OVGP1: variants seen among roughly 807,000 people sequenced by gnomAD.
The protein encoded by OVGP1 is oviductal glycoprotein 1.
A neutral mutation model predicts 48.2 loss-of-function variants in OVGP1; 26 were observed. The observed-to-expected ratio is 0.54, with a 90% confidence interval of 0.40 to 0.75. OVGP1 has a LOEUF of 0.75. Among genes scored for constraint, OVGP1 ranks in the 30% least tolerant of loss-of-function variants. The pLI, the probability that OVGP1 is intolerant of heterozygous loss-of-function variation, is 0.00. For missense variants in OVGP1, 791 were observed against 820.6 expected (o/e 0.96, Z 0.44); for synonymous variants, 294 against 305.7 (o/e 0.96, Z 0.40).
chr1:111,425,196 C>A (rs1207546875), intron 4 of OVGP1, among the ~76,000 whole-genome samples, 187 bp downstream of exon 4: 1 of 152,232 alleles, frequency 6.6e-6, no homozygotes, highest in African/African-American at 2.4e-5. Context: ...TTCCTTGTCT[C>A]CCCTGACCCA....
intron 9 of OVGP1, among the ~76,000 whole-genome samples, chr1:111,419,330 A>G (rs989284177): frequency 2.0e-5 from 3 of 152,240 alleles, no homozygotes; most frequent in Non-Finnish European, 4.4e-5. Context: ...GTCCAAATGG[A>G]AAGGAAGAGA....
rs527629526 is a variant in OVGP1 at position 111,425,105 on chromosome 1, T to C, written c.317+278A>G. Among the ~76,000 whole-genome samples, 5 of 152,370 alleles carry C rather than the reference T, an allele frequency of 3.3e-5. No homozygotes were observed. In the East Asian group the frequency reaches 5.8e-4, roughly 18 times the overall value. On this transcript the variant is annotated intron_variant, in intron 4 of 10. Coordinates refer to ENST00000369732, the MANE Select transcript of OVGP1 (RefSeq NM_002557.4). ...TTGGAGACAAAACCCTTGCCTCTTA[T>C]GAAAGGTTGAGGAAACAATTATGAG... is the stretch of plus-strand genomic sequence containing the variant.
At position 111,421,273 on chromosome 1, in the gene OVGP1, C is replaced by T; in HGVS notation, c.903+3G>A. The T allele has an allele frequency of 6.3e-7, 1 of 1,594,992 alleles. No homozygotes were observed. The highest frequency in any genetic ancestry group is 2.2e-5 in the East Asian group (1 of 44,780). ...GCTAGACAGAGACTGATATTCCCAT[C>T]ACCTCAAAATAAGCCAAGAAGCCTT... On this transcript the variant is annotated splice_donor_region_variant and intron_variant, in intron 8 of 10. Coordinates refer to ENST00000369732, the MANE Select transcript of OVGP1 (RefSeq NM_002557.4).
chr1:111,419,811 G>C, intron 8 of OVGP1, 85 bp from the exon 9 acceptor site: 1 of 803,620 alleles, frequency 1.2e-6, no homozygotes, highest in Admixed American at 1.8e-5. Context: ...CAAGGATAAA[G>C]AATCCAAGAA....
rs1652074227 is a variant in OVGP1, at chr1:111,414,630, G to C, written c.1871C>G (p.Ser624Cys). The change falls in exon 11 of 11, where the codon TCC becomes TGC. Residue 624 changes from serine (S) to cysteine (C), a missense_variant. Ser to Cys is a moderately radical substitution (Grantham distance 112). Coordinates refer to ENST00000369732, the MANE Select transcript of OVGP1 (RefSeq NM_002557.4). ...TTCCGGGAGCTGGATGACGGGGCTGGAGGACAGCATCATCCTGTTTTCAGC... is the reference window on the plus strand; with the variant it reads ...TTCCGGGAGCTGGATGACGGGGCTGCAGGACAGCATCATCCTGTTTTCAGC... ...MEAENRMMLS[S>C]SPVIQLPEQT... 3.7e-6 allele frequency: 6 copies of C among 1,614,056 alleles called. No individual in the cohort carries two copies. Among genetic ancestry groups the C allele is most frequent in the Non-Finnish European group, 4.2e-6 (5 of 1,180,034 alleles).
At chr1:111,426,688 A>G (rs1652408388) in intron 2 of OVGP1, 47 bp from the exon 3 acceptor site, 1 of 1,588,196 alleles carries the variant, frequency 6.3e-7, no homozygotes, top group Non-Finnish European at 8.6e-7. Context: ...AAGGGAGGGG[A>G]TGGAGCTCAG....
In OVGP1 at chr1:111,423,519, C is replaced by T. The variant is rs578122329; in HGVS notation, c.483+24G>A. 120 of 1,609,736 alleles carry T rather than the reference C, an allele frequency of 7.5e-5. No homozygotes were observed. In the South Asian group the frequency reaches 1.3e-3, roughly 17 times the overall value. ...ATAAAAGTAGAATCATTTCTGGATTCTGGCGCTTCTAGACCAGACTTACTT... is the reference window on the plus strand; with the variant it reads ...ATAAAAGTAGAATCATTTCTGGATTTTGGCGCTTCTAGACCAGACTTACTT... On this transcript the variant is annotated intron_variant, in intron 5 of 10. Coordinates refer to ENST00000369732, the MANE Select transcript of OVGP1 (RefSeq NM_002557.4).
chr1:111,423,263 C>T (rs1327564801), intron 5 of OVGP1, among the ~76,000 whole-genome samples: 1 of 152,146 alleles, frequency 6.6e-6, no homozygotes, highest in Non-Finnish European at 1.5e-5. Flanking sequence ...GGCAAGCAGG[C>T]TCAGAAGCAC....
chr1:111,419,673 G>T lies in OVGP1; in HGVS notation c.957C>A (p.Val319=). 1 of 1,613,772 alleles carries T rather than the reference G, an allele frequency of 6.2e-7. No individual in the cohort carries two copies. Among genetic ancestry groups the T allele is most frequent in the Non-Finnish European group, 8.5e-7 (1 of 1,179,760 alleles). The change falls in exon 9 of 11, where the codon GTC becomes GTA. Residue 319 remains valine (V), a synonymous_variant. Transcript: ENST00000369732. ...ACTCTTTCCCCTTGTTGGCATACGG[G>T]ACATACTGGTAATCAATCCAGTGCT... The part of the protein sequence containing the change: ...AKKHWIDYQY[V]PYANKGKEWV...
intron 5 of OVGP1, 80 bp from the exon 6 acceptor site, chr1:111,423,131 T>C: frequency 6.4e-7 from 1 of 1,567,276 alleles, no homozygotes; most frequent in Non-Finnish European, 8.7e-7. Context: ...CTAGGAAGCA[T>C]TTACTGAGCT....
At chr1:111,416,606 A>T in intron 9 of OVGP1, 148 bp from the exon 10 acceptor site, 1 of 558,548 alleles carries the variant, frequency 1.8e-6, no homozygotes, top group East Asian at 3.1e-5. Flanking sequence ...TTTACTGTTT[A>T]TTAGCTATGG....
intron 9 of OVGP1, among the ~76,000 whole-genome samples, chr1:111,417,832 C>T (rs186903292): frequency 3.9e-4 from 60 of 152,330 alleles, no homozygotes; most frequent in Non-Finnish European, 6.6e-4. Context: ...GGGGTCTGCG[C>T]TACAGAGAAG....
rs1368407335 is a variant in OVGP1 at position 111,415,328 on chromosome 1, A to G, written c.1173T>C (p.Ser391=). ...ILVRAEFSST[S]LPQFWLSSAV... is the part of the protein sequence containing the mutation. The stretch of plus-strand genomic sequence containing the variant: ...CAGATGACAGCCAAAATTGTGGTAA[A>G]GAAGTTGAACTGAACTCTAGAGAAA... The change falls in exon 11 of 11, where the codon TCT becomes TCC. Residue 391 remains serine (S), a synonymous_variant. Transcript: ENST00000369732. 2 of 1,611,272 alleles carry G rather than the reference A, an allele frequency of 1.2e-6. No individual in the cohort carries two copies. Among genetic ancestry groups the G allele is most frequent in the African/African-American group, 1.3e-5 (1 of 74,824 alleles).
chr1:111,423,502 A>G, intron 5 of OVGP1, 41 bp downstream of exon 5: 2 of 1,600,940 alleles, frequency 1.2e-6, no homozygotes, highest in South Asian at 1.1e-5. Context: ...ATATAAAAGT[A>G]GAATCATTTC....
chr1:111,425,339 T>A (rs373024216), intron 4 of OVGP1, 44 bp downstream of exon 4: 157 of 1,611,642 alleles, frequency 9.7e-5, no homozygotes, highest in Non-Finnish European at 1.2e-4. Flanking sequence ...CTAACCAGCC[T>A]GCTCCACCCT....
At chr1:111,420,545 C>A (rs937580968) in intron 8 of OVGP1, among the ~76,000 whole-genome samples, 1 of 152,224 alleles carries the variant, frequency 6.6e-6, no homozygotes, top group Non-Finnish European at 1.5e-5. Context: ...GGAAGTCCTT[C>A]CCGTCTAGTC....
intron 3 of OVGP1, 135 bp from the exon 4 acceptor site, chr1:111,425,574 A>C: frequency 6.9e-7 from 1 of 1,456,896 alleles, no homozygotes; most frequent in Non-Finnish European, 9.3e-7. Flanking sequence ...GAAAAGGGGG[A>C]AGGTGATAGA....
At chr1:111,419,876 TCA>T in intron 8 of OVGP1, 150 bp from the exon 9 acceptor site, 1 of 619,318 alleles carries the variant, frequency 1.6e-6, no homozygotes, top group Non-Finnish European at 2.9e-6. Context: ...GAGAGGCCAC[TCA>T]CAAATGAGTT....
chr1:111,422,577 C>T (rs747158206), intron 6 of OVGP1, among the ~76,000 whole-genome samples: 5 of 152,076 alleles, frequency 3.3e-5, no homozygotes, highest in East Asian at 1.9e-4. Flanking sequence ...TGCCAGCATC[C>T]GCTGCATAGT....
Sources: gnomAD v4.1 joint callset for allele counts (sites outside exome capture counted in the v4.1 genomes callset) on GRCh38, gnomAD v4.1.1 for gene constraint, MANE v1.5 for transcripts, NCBI Gene and HGNC (gene_info 2026-07-23, HGNC 2026-07-21) for gene names.